USH2A: variants seen among roughly 807,000 people sequenced by gnomAD.
The protein encoded by USH2A is usherin.
In USH2A, 443 loss-of-function variants were observed where a neutral mutation model predicts 538.9. That is an observed-to-expected ratio of 0.82 (90% CI 0.76 to 0.89). The LOEUF (loss-of-function observed/expected upper bound fraction) is 0.89, where lower values mean the gene tolerates loss of function less well. Among genes scored for constraint, USH2A ranks in the 40% least tolerant of loss-of-function variants. The pLI, the probability that USH2A is intolerant of heterozygous loss-of-function variation, is 0.00. For synonymous variants in USH2A, 2,413 were observed against 2,273.5 expected (o/e 1.06, Z -1.75); for missense variants, 6,633 against 6,324.8 (o/e 1.05, Z -1.65).
rs1572038611 is a variant in USH2A, at chr1:216,196,586, T to A, written c.4218A>T (p.Ser1406=). ...ACGCCATGGGAATAGACTGTTGAGG[T>A]GATTGTTCAGAAAGCATATTGATGT... ...GYDINMLSEQ[S]PQQSIPMAFS... is the part of the protein sequence containing the mutation. The change falls in exon 19 of 72, where the codon TCA becomes TCT. Residue 1406 remains serine (S), a synonymous_variant. Coordinates refer to ENST00000307340, the MANE Select transcript of USH2A (RefSeq NM_206933.4). The A allele has an allele frequency of 1.2e-6, 2 of 1,613,576 alleles. No individual in the cohort carries two copies. The highest frequency in any genetic ancestry group is 8.5e-7 in the Non-Finnish European group (1 of 1,179,660).
intron 32 of USH2A, among the ~76,000 whole-genome samples, chr1:216,023,535 G>A (rs964129909): frequency 7.2e-6 from 1 of 139,026 alleles, no homozygotes; most frequent in African/African-American, 2.6e-5. Context: ...TTGACCTTGA[G>A]GAGAGAAAAA....
intron 35 of USH2A, among the ~76,000 whole-genome samples, chr1:215,991,209 T>C (rs1312808169): frequency 6.6e-6 from 1 of 152,142 alleles, no homozygotes; most frequent in East Asian, 1.9e-4. Context: ...CATTAAGCCA[T>C]AAATATTCCA....
Position 215,912,492 on chromosome 1 carries a change from T to TAC in USH2A, c.7301-11588_7301-11587insGT, listed in dbSNP as rs759012881. ...ATATATATACGTATATATATATATG[T>TAC]GTATATATATATATATATACGTGTA... On this transcript the variant is annotated intron_variant, in intron 38 of 71. Coordinates refer to ENST00000307340, the MANE Select transcript of USH2A (RefSeq NM_206933.4). Among the ~76,000 whole-genome samples the TAC allele has an allele frequency of 7.7e-4, 27 of 34,992 alleles. 1 individual carries two copies. In the South Asian group the frequency reaches 8.4e-3, roughly 11 times the overall value. 23.0% of individuals were successfully genotyped at this position (34,992 alleles called of 152,430 possible).
At chr1:216,268,082 T>C (rs2102576692) in intron 11 of USH2A, among the ~76,000 whole-genome samples, 1 of 152,182 alleles carries the variant, frequency 6.6e-6, no homozygotes, top group Middle Eastern at 3.4e-3. Flanking sequence ...CTAACAGACG[T>C]CTCTAACATA....
At chr1:215,803,556 C>A (rs1404830938) in intron 49 of USH2A, among the ~76,000 whole-genome samples, 4 of 152,026 alleles carry the variant, frequency 2.6e-5, no homozygotes, top group Admixed American at 6.6e-5. Context: ...GAATAAAATA[C>A]CTAGGAATCC....
At chr1:216,349,330 G>C (rs1347904051) in intron 4 of USH2A, among the ~76,000 whole-genome samples, 3 of 151,974 alleles carry the variant, frequency 2.0e-5, no homozygotes, top group Admixed American at 2.0e-4. Context: ...TAAAAAGGAG[G>C]GGGTAATTGT....
At chr1:216,087,057 C>A (rs2032158256) in intron 23 of USH2A, 3 of 479,220 alleles carry the variant, frequency 6.3e-6, no homozygotes, top group Non-Finnish European at 1.2e-5. Context: ...CCCATAGGCA[C>A]CCCCTAAGTA....
At chr1:216,227,506 T>G (rs973525311) in intron 14 of USH2A, among the ~76,000 whole-genome samples, 1 of 151,890 alleles carries the variant, frequency 6.6e-6, no homozygotes, top group Non-Finnish European at 1.5e-5. Context: ...TGAGTTAAAA[T>G]AAAGGGAGGA....
chr1:215,958,201 C>A (rs1048383172), intron 37 of USH2A, among the ~76,000 whole-genome samples: 11 of 152,070 alleles, frequency 7.2e-5, no homozygotes, highest in South Asian at 4.1e-4. Context: ...ACCCAGAGAA[C>A]CAGAGTGTGT....
chr1:216,263,282 C>A (rs1205555088), intron 11 of USH2A, among the ~76,000 whole-genome samples: 2 of 152,030 alleles, frequency 1.3e-5, no homozygotes, highest in Non-Finnish European at 2.9e-5. Flanking sequence ...TTTATAAGGC[C>A]AGCATTACCC....
chr1:215,631,238 G>A (rs1411685135), intron 70 of USH2A, among the ~76,000 whole-genome samples: 1 of 151,580 alleles, frequency 6.6e-6, no homozygotes, highest in African/African-American at 2.4e-5. Flanking sequence ...GTGTGTGTGT[G>A]TGTGTGTGTG....
At chr1:216,048,166 T>C (rs1323108503) in intron 31 of USH2A, among the ~76,000 whole-genome samples, 1 of 152,214 alleles carries the variant, frequency 6.6e-6, no homozygotes, top group Admixed American at 6.5e-5. Flanking sequence ...TACTGTGCCA[T>C]ACAATCAATT....
chr1:216,147,130 C>A (rs1266424799), intron 21 of USH2A, among the ~76,000 whole-genome samples: 1 of 152,050 alleles, frequency 6.6e-6, no homozygotes, highest in Non-Finnish European at 1.5e-5. Context: ...TTCTTTCCCT[C>A]CTGCCTGTCC....
chr1:215,961,070 C>T (rs1394414140), intron 37 of USH2A, among the ~76,000 whole-genome samples: 2 of 151,866 alleles, frequency 1.3e-5, no homozygotes, highest in Non-Finnish European at 2.9e-5. Flanking sequence ...TGGTAAGATG[C>T]CTGCATTTTA....
rs191528534 is a variant in USH2A, at chr1:216,385,216, C to G, written c.652-20131G>C. Reference sequence around the variant, plus strand: ...AGCAATCCCTACATCTCTACTTGCTCCCAGCAATGAGGTGCATGAGGAGTG... The same window carrying G: ...AGCAATCCCTACATCTCTACTTGCTGCCAGCAATGAGGTGCATGAGGAGTG... On this transcript the variant is annotated intron_variant, in intron 3 of 71. Transcript: ENST00000307340. 5.6e-3 allele frequency among the ~76,000 whole-genome samples: 851 copies of G among 152,272 alleles called. 6 individuals are homozygous for G. The highest frequency in any genetic ancestry group is 5.6e-3 in the Non-Finnish European group (380 of 68,022).
intron 20 of USH2A, among the ~76,000 whole-genome samples, chr1:216,187,944 T>C (rs987635951): frequency 3.3e-5 from 5 of 151,942 alleles, no homozygotes; most frequent in Non-Finnish European, 5.9e-5. Flanking sequence ...ACCATTTTTT[T>C]CCCCTCACAT....
intron 30 of USH2A, among the ~76,000 whole-genome samples, chr1:216,050,929 G>A (rs538669615): frequency 1.1e-4 from 17 of 152,056 alleles, no homozygotes; most frequent in South Asian, 2.1e-4. Flanking sequence ...ATCTTTTAAA[G>A]ATCAGCAGTG....
chr1:216,241,210 T>C (rs2102536755), intron 13 of USH2A, among the ~76,000 whole-genome samples: 1 of 152,264 alleles, frequency 6.6e-6, no homozygotes, highest in Admixed American at 6.5e-5. Flanking sequence ...AGACAATAGA[T>C]AATATCTACA....
In USH2A at chr1:216,064,484, G is replaced by GCC. The variant is rs551598446; in HGVS notation, c.6049+5615_6049+5616dup. On this transcript the variant is annotated intron_variant, in intron 30 of 71. Coordinates refer to ENST00000307340, the MANE Select transcript of USH2A (RefSeq NM_206933.4). ...ATGTGAAAATTCCATGCAGAGAGTG[G>GCC]CCCTTGCTAGGGATTGTTTTTTTTT... Among the ~76,000 whole-genome samples, 27 of 151,666 alleles carry GCC rather than the reference G, an allele frequency of 1.8e-4. No individual in the cohort carries two copies. In the East Asian group the frequency reaches 5.0e-3, roughly 28 times the overall value.
Sources: gnomAD v4.1 joint callset for allele counts (sites outside exome capture counted in the v4.1 genomes callset) on GRCh38, gnomAD v4.1.1 for gene constraint, MANE v1.5 for transcripts, NCBI Gene and HGNC (gene_info 2026-07-23, HGNC 2026-07-21) for gene names.